The following LRRC49 variants were observed in gnomAD, a reference collection of about 807,000 sequenced individuals.
LRRC49 encodes the protein leucine-rich repeat-containing protein 49.
In LRRC49, 50 loss-of-function variants were observed where a neutral mutation model predicts 83.3. The observed-to-expected ratio is 0.60, with a 90% confidence interval of 0.48 to 0.76. The LOEUF (loss-of-function observed/expected upper bound fraction) is 0.76, where lower values mean the gene tolerates loss of function less well. Among genes scored for constraint, LRRC49 ranks in the 30% least tolerant of loss-of-function variants. The probability of loss-of-function intolerance (pLI) is 0.00; values close to 1 mark genes in which losing one functional copy is unlikely to be tolerated. For missense variants in LRRC49, 704 were observed against 809.1 expected (o/e 0.87, Z 1.58); for synonymous variants, 286 against 283.3 (o/e 1.01, Z -0.10).
intron 9 of LRRC49, among the ~76,000 whole-genome samples, chr15:70,972,387 C>T (rs572199005): frequency 1.6e-4 from 25 of 152,162 alleles, no homozygotes; most frequent in Non-Finnish European, 3.4e-4. Context: ...TTGTAGATAA[C>T]GCAACCTTTC....
At position 71,053,110 on chromosome 15, in the gene LRRC49, G is replaced by A. The variant is rs975340922; in HGVS notation, c.*3498G>A. The A allele has an allele frequency of 2.0e-5, 3 of 152,088 alleles. No individual in the cohort carries two copies. The highest frequency in any genetic ancestry group is 7.2e-5 in the African/African-American group (3 of 41,394). The allele number at this position is 152,088 out of a possible 1,614,324, so 9.4% of individuals were successfully genotyped here. A position where few individuals can be genotyped will look rare whatever the true frequency, so the allele number is the denominator to read the frequency against. On this transcript the variant is annotated 3_prime_UTR_variant, in exon 16 of 16. Coordinates refer to ENST00000260382, the MANE Select transcript of LRRC49 (RefSeq NM_017691.5). ...GTGTAGAGAATCAACTTCAGGAGGG[G>A]GCAATAATTAAATTAGGGGGACCAG... is the stretch of plus-strand genomic sequence containing the variant.
Position 71,051,113 on chromosome 15 carries a change from A to G in LRRC49, c.*1501A>G. The G allele has an allele frequency of 6.6e-6, 1 of 152,638 alleles. No homozygotes were observed. Among genetic ancestry groups the G allele is most frequent in the South Asian group, 2.1e-4 (1 of 4,832 alleles). 9.5% of individuals were successfully genotyped at this position (152,638 alleles called of 1,614,324 possible). On this transcript the variant is annotated 3_prime_UTR_variant, in exon 16 of 16. Coordinates refer to ENST00000260382, the MANE Select transcript of LRRC49 (RefSeq NM_017691.5). Reference sequence around the variant, plus strand: ...CTCGGCCTCCCAAAGTGCTGGGATTACAGGTGTGAGCCACCATGCCTGTCC... The same window carrying G: ...CTCGGCCTCCCAAAGTGCTGGGATTGCAGGTGTGAGCCACCATGCCTGTCC...
chr15:71,049,434 G>T lies in LRRC49; in HGVS notation c.1883G>T (p.Cys628Phe), dbSNP rs1317860232. Residue 628 changes from cysteine to phenylalanine, a missense_variant, in exon 16 of 16, where the codon TGT becomes TTT. Cys to Phe is a radical substitution (Grantham distance 205). Transcript: ENST00000260382. ...LEEIKEKKKF[C>F]KTYIEDLVKE... ...GAAATAAAGGAAAAGAAGAAATTCT[G>T]TAAAACATATATAGAAGACCTTGTG... The T allele has an allele frequency of 6.3e-7, 1 of 1,595,120 alleles. No homozygotes were observed. The highest frequency in any genetic ancestry group is 8.5e-7 in the Non-Finnish European group (1 of 1,173,136).
intron 2 of LRRC49, among the ~76,000 whole-genome samples, chr15:70,873,712 C>G (rs1239188173): frequency 6.6e-6 from 1 of 152,178 alleles, no homozygotes; most frequent in African/African-American, 2.4e-5. Flanking sequence ...AACTCAGTCA[C>G]ATGGTAGTCC....
chr15:70,966,803 A>G (rs929167892), intron 9 of LRRC49, among the ~76,000 whole-genome samples: 3 of 152,132 alleles, frequency 2.0e-5, no homozygotes, highest in Admixed American at 6.6e-5. Context: ...ACTAGGATAT[A>G]TATTAGACAG....
intron 7 of LRRC49, among the ~76,000 whole-genome samples, chr15:70,928,404 TTTTAAG>T (rs1239485862): frequency 2.6e-5 from 4 of 152,156 alleles, no homozygotes; most frequent in African/African-American, 4.8e-5. Flanking sequence ...TATAAGTTAA[TTTTAAG>T]TTTATTTTCC....
chr15:70,863,420 C>G (rs11630263), intron 1 of LRRC49, among the ~76,000 whole-genome samples: 1 of 152,028 alleles, frequency 6.6e-6, no homozygotes, highest in Non-Finnish European at 1.5e-5. Context: ...TGAGAGCAAA[C>G]AAGACCCCAT....
At chr15:70,950,982 G>T (rs115338065) in intron 8 of LRRC49, among the ~76,000 whole-genome samples, 1 of 152,182 alleles carries the variant, frequency 6.6e-6, no homozygotes, top group African/African-American at 2.4e-5. Flanking sequence ...CATGTGGCTA[G>T]CAAGTTATCT....
intron 1 of LRRC49, chr15:70,859,273 A>G (rs1158070743): frequency 2.1e-5 from 18 of 849,672 alleles, no homozygotes; most frequent in Admixed American, 2.0e-4. Context: ...ATAAGCGTAC[A>G]GAGGTGGAGA....
chr15:71,048,636 A>T (rs1431461426), intron 15 of LRRC49: 2 of 380,808 alleles, frequency 5.3e-6, no homozygotes, highest in African/African-American at 4.2e-5. Context: ...ACTATTCAGA[A>T]GTATCAATAG....
chr15:70,854,312 G>A (rs892708322), intron 1 of LRRC49, among the ~76,000 whole-genome samples: 2 of 151,824 alleles, frequency 1.3e-5, no homozygotes, highest in South Asian at 2.1e-4. Context: ...GGGCCTCGGA[G>A]GTGGAGGGCG....
intron 12 of LRRC49, chr15:71,009,501 C>T (rs1223602183): frequency 5.0e-6 from 1 of 200,812 alleles, no homozygotes; most frequent in Non-Finnish European, 9.9e-6. Flanking sequence ...ATCAATAATT[C>T]CTGAAAGAAT....
chr15:71,021,194 G>A (rs2038984745), intron 14 of LRRC49, among the ~76,000 whole-genome samples: 1 of 152,216 alleles, frequency 6.6e-6, no homozygotes, highest in African/African-American at 2.4e-5. Context: ...ACAACATTTT[G>A]TGGGGTTTAA....
chr15:70,989,601 T>G (rs1281109205), intron 11 of LRRC49, among the ~76,000 whole-genome samples: 8 of 152,208 alleles, frequency 5.3e-5, no homozygotes, highest in Non-Finnish European at 1.0e-4. Flanking sequence ...TCGGAGTAGT[T>G]TGATCATCTG....
intron 14 of LRRC49, among the ~76,000 whole-genome samples, chr15:71,032,099 C>T (rs1157346980): frequency 6.6e-6 from 1 of 152,210 alleles, no homozygotes; most frequent in African/African-American, 2.4e-5. Flanking sequence ...CAGTTTTGTG[C>T]TTGAAACTCA....
At chr15:70,924,552 G>A (rs2035127390) in intron 7 of LRRC49, among the ~76,000 whole-genome samples, 2 of 151,836 alleles carry the variant, frequency 1.3e-5, no homozygotes, top group Admixed American at 1.3e-4. Flanking sequence ...ATTTAATACA[G>A]TAACCTTTCC....
intron 8 of LRRC49, among the ~76,000 whole-genome samples, chr15:70,942,904 G>C (rs1484512688): frequency 6.6e-6 from 1 of 152,154 alleles, no homozygotes; most frequent in African/African-American, 2.4e-5. Flanking sequence ...ATATCTACGT[G>C]ATTGTATAGA....
chr15:70,916,011 T>C (rs2034758006), intron 6 of LRRC49, among the ~76,000 whole-genome samples: 1 of 152,200 alleles, frequency 6.6e-6, no homozygotes, highest in Non-Finnish European at 1.5e-5. Context: ...GAAGTGTTAG[T>C]AAGAAATTTC....
chr15:71,042,447 ACTAAT>A (rs2039724390), intron 15 of LRRC49, among the ~76,000 whole-genome samples: 1 of 152,140 alleles, frequency 6.6e-6, no homozygotes, highest in African/African-American at 2.4e-5. Flanking sequence ...GGAAAGAAAC[ACTAAT>A]CTAACAATCA....
Sources: allele counts gnomAD v4.1 joint callset (sites outside exome capture counted in the v4.1 genomes callset), GRCh38; gene constraint gnomAD v4.1.1; transcripts MANE v1.5; gene names NCBI Gene and HGNC (gene_info 2026-07-23, HGNC 2026-07-21).